The following GCGR variants were observed in gnomAD, a reference collection of about 807,000 sequenced individuals.
GCGR encodes the protein glucagon receptor.
A neutral mutation model predicts 56.1 loss-of-function variants in GCGR; 41 were observed. The observed-to-expected ratio is 0.73, with a 90% confidence interval of 0.57 to 0.95. The LOEUF (loss-of-function observed/expected upper bound fraction) is 0.95, where lower values mean the gene tolerates loss of function less well. GCGR is among the 40% of genes least tolerant of loss of function. The pLI is 0.00. For missense variants in GCGR, 595 were observed against 638.2 expected, an observed-to-expected ratio of 0.93 and a Z score of 0.73; for synonymous variants, 278 against 271.1, an observed-to-expected ratio of 1.03 and a Z score of -0.25.
At chr17:81,808,817 C>A in intron 1 of GCGR, 25 bp from the exon 2 acceptor site, 1 of 635,024 alleles carries the variant, frequency 1.6e-6, no homozygotes, top group East Asian at 2.8e-5. Context: ...CCGCGCCCGG[C>A]CCCCAGCTCC....
chr17:81,809,722 C>CCTGA, intron 2 of GCGR, 60 bp from the exon 3 acceptor site: 1 of 1,328,398 alleles, frequency 7.5e-7, no homozygotes, highest in Non-Finnish European at 1.0e-6. Flanking sequence ...TGTCTGTCTG[C>CCTGA]CTGTCTGTCT....
rs553897904 is a variant in GCGR, at chr17:81,813,525, C to T, written c.1270C>T (p.Leu424=). The change falls in exon 14 of 14, where the codon CTA becomes TTA. Residue 424 remains leucine, a synonymous_variant. Transcript: ENST00000400723. This position sits in a 1 kb window ranked among gnomAD's most constrained non-coding sequence, Gnocchi z 5.3. ...RWHRWRLGKV[L]WEERNTSNHR... ...GCACCGCTGGCGCCTGGGCAAAGTG[C>T]TATGGGAGGAGCGGAACACCAGCAA... The T allele has an allele frequency of 2.6e-5, 40 of 1,536,064 alleles. No individual in the cohort carries two copies. The East Asian group carries it at 4.6e-4, about 18-fold the overall frequency.
In GCGR at chr17:81,812,753, G is replaced by A; in HGVS notation, c.1038-54G>A. 6.5e-7 allele frequency: 1 copy of A among 1,532,462 alleles called. No homozygotes were observed. The highest frequency in any genetic ancestry group is 2.0e-5 in the Admixed American group (1 of 50,936). 94.9% of individuals were successfully genotyped at this position (1,532,462 alleles called of 1,614,324 possible). A position where few individuals can be genotyped will look rare whatever the true frequency, so the allele number is the denominator to read the frequency against. On this transcript the variant is annotated intron_variant, in intron 11 of 13. Transcript: ENST00000400723. This position sits in a 1 kb window ranked among gnomAD's most constrained non-coding sequence, Gnocchi z 8.5. ...GGGTGGGGACTCCAAGCTCCACGTG[G>A]ATGGTGCGGGCCGAGGGTGGGGGCG...
Position 81,806,397 on chromosome 17 carries a change from C to T in GCGR, c.-178+2148C>T, listed in dbSNP as rs893361329. Reference sequence around the variant, plus strand: ...CTGTGGCCTGTGGATGCTGAGCTGTCGGGGGAATCCTCCAGGATCCCCAGC... The same window carrying T: ...CTGTGGCCTGTGGATGCTGAGCTGTTGGGGGAATCCTCCAGGATCCCCAGC... On this transcript the variant is annotated intron_variant, in intron 1 of 13. Transcript: ENST00000400723. The surrounding 1 kb of genome is among the most constrained non-coding windows in gnomAD (Gnocchi z 6.5). 3.1e-4 allele frequency among the ~76,000 whole-genome samples: 47 copies of T among 152,258 alleles called. No homozygotes were observed. Among genetic ancestry groups the T allele is most frequent in the South Asian group, 1.9e-3 (9 of 4,820 alleles).
chr17:81,812,971 C>T lies in GCGR; in HGVS notation c.1176+26C>T, dbSNP rs13306382. The T allele has an allele frequency of 6.5e-6, 10 of 1,535,858 alleles. No homozygotes were observed. The highest frequency in any genetic ancestry group is 4.9e-5 in the East Asian group (2 of 40,910). On this transcript the variant is annotated intron_variant, in intron 12 of 13. Transcript: ENST00000400723. The surrounding 1 kb of genome is among the most constrained non-coding windows in gnomAD (Gnocchi z 8.5). ...GTGCCCGCCCGCCCGCCGGCTCCCC[C>T]GCCCGGGGCGCAGTGTGCCACCCCT...
intron 3 of GCGR, 55 bp downstream of exon 3, chr17:81,809,939 G>A (rs1384241245): frequency 7.5e-7 from 1 of 1,332,286 alleles, no homozygotes; most frequent in South Asian, 1.2e-5. Context: ...CACTTCCTGA[G>A]TTCTCTTCAT....
In GCGR at chr17:81,812,135, G is replaced by C. The variant is rs2038115358; in HGVS notation, c.879-48G>C. 7 of 1,531,832 alleles carry C rather than the reference G, an allele frequency of 4.6e-6. No individual in the cohort carries two copies. The highest frequency in any genetic ancestry group is 6.1e-6 in the Non-Finnish European group (7 of 1,143,228). The allele number at this position is 1,531,832 out of a possible 1,614,324, so 94.9% of individuals were successfully genotyped here. ...ATCGGGACGGGGGTGCTGAGGGGCG[G>C]AGGGGCTGGGGGCTGTGCCCCAGTA... On this transcript the variant is annotated intron_variant, in intron 9 of 13. Coordinates refer to ENST00000400723, the MANE Select transcript of GCGR (RefSeq NM_000160.5). This position sits in a 1 kb window ranked among gnomAD's most constrained non-coding sequence, Gnocchi z 8.5.
chr17:81,809,742 T>TCTGCCTGCCTGC (rs1568251113), intron 2 of GCGR, 40 bp from the exon 3 acceptor site: 2 of 1,250,032 alleles, frequency 1.6e-6, no homozygotes, highest in African/African-American at 1.5e-5. Context: ...TGCCTGCCTG[T>TCTGCCTGCCTGC]CTGTCTGTCT....
rs2037911123 is a variant in GCGR, at chr17:81,804,629, G to C, written c.-178+380G>C. 6.6e-6 allele frequency among the ~76,000 whole-genome samples: 1 copy of C among 151,954 alleles called. No individual in the cohort carries two copies. Among genetic ancestry groups the C allele is most frequent in the Admixed American group, 6.5e-5 (1 of 15,272 alleles). ...CCCTGGGGAGCGCACAAAGCGCCGC[G>C]GACGCGTCCCCGAGGCGCGGGGTCT... On this transcript the variant is annotated intron_variant, in intron 1 of 13. Transcript: ENST00000400723. This position sits in a 1 kb window ranked among gnomAD's most constrained non-coding sequence, Gnocchi z 8.2.
chr17:81,811,808 G>A lies in GCGR; in HGVS notation c.815G>A (p.Trp272Ter). Reference protein sequence around the residue: ...SFFSLYLGIGWGAPMLFVVPW... With the variant: ...SFFSLYLGIG The stretch of plus-strand genomic sequence containing the variant: ...TTCAGCCTCTACCTGGGCATCGGCT[G>A]GGGTGAGTGGGCTGGCATGAGAGGG... Residue 272 changes from tryptophan (W) to a stop codon, truncating the protein, a stop_gained and splice_region_variant, in exon 8 of 14, where the codon TGG becomes TAG. Coordinates refer to ENST00000400723, the MANE Select transcript of GCGR (RefSeq NM_000160.5). LOFTEE classifies it high-confidence loss of function. The surrounding 1 kb of genome is among the most constrained non-coding windows in gnomAD (Gnocchi z 5.8). The A allele has an allele frequency of 6.5e-7, 1 of 1,537,138 alleles. No homozygotes were observed.
intron 1 of GCGR, among the ~76,000 whole-genome samples, chr17:81,807,035 C>T (rs1339581127): frequency 6.6e-6 from 1 of 151,548 alleles, no homozygotes; most frequent in African/African-American, 2.4e-5. Flanking sequence ...TCCTGCTGCT[C>T]CTCACCCAGC....
In GCGR at chr17:81,810,720, G is replaced by A; in HGVS notation, c.164-105G>A. ...GCCCAGGCCATGTCCTGGGCGAGGTGACGGCCGAGCTCAGGCTTCCAGAGA... is the reference window on the plus strand; with the variant it reads ...GCCCAGGCCATGTCCTGGGCGAGGTAACGGCCGAGCTCAGGCTTCCAGAGA... On this transcript the variant is annotated intron_variant, in intron 3 of 13. Transcript: ENST00000400723. The surrounding 1 kb of genome is among the most constrained non-coding windows in gnomAD (Gnocchi z 4.6). 9.2e-7 allele frequency: 1 copy of A among 1,092,882 alleles called. No individual in the cohort carries two copies. The highest frequency in any genetic ancestry group is 1.4e-5 in the South Asian group (1 of 73,862). The allele number at this position is 1,092,882 out of a possible 1,614,324, so 67.7% of individuals were successfully genotyped here.
At chr17:81,807,048 G>A (rs894613591) in intron 1 of GCGR, among the ~76,000 whole-genome samples, 2 of 151,898 alleles carry the variant, frequency 1.3e-5, no homozygotes, top group South Asian at 2.1e-4. Context: ...CACCCAGCCC[G>A]GCTCAGTGGC....
At position 81,812,953 on chromosome 17, in the gene GCGR, C is replaced by T. The variant is rs1183798672; in HGVS notation, c.1176+8C>T. 1.3e-6 allele frequency: 2 copies of T among 1,535,708 alleles called. No homozygotes were observed. Among genetic ancestry groups the T allele is most frequent in the Non-Finnish European group, 1.7e-6 (2 of 1,146,492 alleles). On this transcript the variant is annotated splice_region_variant and intron_variant, in intron 12 of 13. Coordinates refer to ENST00000400723, the MANE Select transcript of GCGR (RefSeq NM_000160.5). The surrounding 1 kb of genome is among the most constrained non-coding windows in gnomAD (Gnocchi z 8.5). ...TTCCTCAGCTCCTTCCAGGTGCCCG[C>T]CCGCCCGCCGGCTCCCCCGCCCGGG...
Position 81,812,313 on chromosome 17 carries a change from TG to T in GCGR, c.948+62del. The T allele has an allele frequency of 6.6e-7, 1 of 1,509,550 alleles. No individual in the cohort carries two copies. Among genetic ancestry groups the T allele is most frequent in the Non-Finnish European group, 8.9e-7 (1 of 1,124,440 alleles). 93.5% of individuals were successfully genotyped at this position (1,509,550 alleles called of 1,614,324 possible). A position where few individuals can be genotyped will look rare whatever the true frequency, so the allele number is the denominator to read the frequency against. On this transcript the variant is annotated intron_variant, in intron 10 of 13. Coordinates refer to ENST00000400723, the MANE Select transcript of GCGR (RefSeq NM_000160.5). The surrounding 1 kb of genome is among the most constrained non-coding windows in gnomAD (Gnocchi z 8.5). ...CCCTCCTCCCTTGGCGTCCTGAGGCTGCCCCAGGAGACAGCAGCATCCTGTC... is the reference window on the plus strand; with the variant it reads ...CCCTCCTCCCTTGGCGTCCTGAGGCTCCCCAGGAGACAGCAGCATCCTGTC...
Position 81,811,823 on chromosome 17 carries a change from G to T in GCGR, c.817+13G>T. ...GGCATCGGCTGGGGTGAGTGGGCTG[G>T]CATGAGAGGGGGTTAAGGCAGGCTG... On this transcript the variant is annotated intron_variant, in intron 8 of 13. Transcript: ENST00000400723. The surrounding 1 kb of genome is among the most constrained non-coding windows in gnomAD (Gnocchi z 5.8). 6.5e-7 allele frequency: 1 copy of T among 1,536,964 alleles called. No homozygotes were observed. Among genetic ancestry groups the T allele is most frequent in the Non-Finnish European group, 8.7e-7 (1 of 1,146,844 alleles).
chr17:81,810,017 C>G lies in GCGR; in HGVS notation c.163+133C>G. ...CAAGGGGCCCTGTCATTCCTCAGGC[C>G]CCCACCACCGTGGGCAGGTGAGGTA... On this transcript the variant is annotated intron_variant, in intron 3 of 13. Transcript: ENST00000400723. This position sits in a 1 kb window ranked among gnomAD's most constrained non-coding sequence, Gnocchi z 4.6. 1 of 737,056 alleles carries G rather than the reference C, an allele frequency of 1.4e-6. No homozygotes were observed. The highest frequency in any genetic ancestry group is 2.4e-6 in the Non-Finnish European group (1 of 418,442). The allele number at this position is 737,056 out of a possible 1,614,324, so 45.7% of individuals were successfully genotyped here.
At chr17:81,809,247 T>C (rs975114335) in intron 2 of GCGR, among the ~76,000 whole-genome samples, 169 bp downstream of exon 2, 7 of 148,090 alleles carry the variant, frequency 4.7e-5, no homozygotes, top group African/African-American at 1.8e-4. Context: ...TGTCTGTCCA[T>C]CTGTCCATCT....
Position 81,813,365 on chromosome 17 carries a change from A to AC in GCGR, c.1219-105dup. On this transcript the variant is annotated intron_variant, in intron 13 of 13. Coordinates refer to ENST00000400723, the MANE Select transcript of GCGR (RefSeq NM_000160.5). The surrounding 1 kb of genome is among the most constrained non-coding windows in gnomAD (Gnocchi z 5.3). ...CAGCAGGGAGCTTGTGTCGCTCTGC[A>AC]CCCCTCAGAGCGGAGACTGGGCATC... 1 of 1,073,028 alleles carries AC rather than the reference A, an allele frequency of 9.3e-7. No homozygotes were observed. The highest frequency in any genetic ancestry group is 1.3e-6 in the Non-Finnish European group (1 of 748,380). The allele number at this position is 1,073,028 out of a possible 1,614,324, so 66.5% of individuals were successfully genotyped here.
Sources: allele counts gnomAD v4.1 joint callset (sites outside exome capture counted in the v4.1 genomes callset), GRCh38; gene constraint gnomAD v4.1.1; non-coding constraint Gnocchi (gnomAD v3.1); transcripts MANE v1.5; gene names NCBI Gene and HGNC (gene_info 2026-07-23, HGNC 2026-07-21).